DOCK2: variants seen among roughly 807,000 people sequenced by gnomAD.
The protein encoded by DOCK2 is dedicator of cytokinesis 2, also known as dedicator of cytokinesis protein 2.
In DOCK2, 87 loss-of-function variants were observed where a neutral mutation model predicts 248.9. The observed-to-expected ratio is 0.35, with a 90% CI of 0.29 to 0.42. DOCK2 has a LOEUF of 0.42. Among genes scored for constraint, DOCK2 ranks in the 10% least tolerant of loss-of-function variants. The pLI is 1.00. For missense variants in DOCK2, 1,747 were observed against 2,300.2 expected (o/e 0.76, Z 4.92); for synonymous variants, 805 against 821.6 (o/e 0.98, Z 0.35).
At chr5:169,739,880 G>T (rs756816093) in intron 22 of DOCK2, among the ~76,000 whole-genome samples, 1 of 152,164 alleles carries the variant, frequency 6.6e-6, no homozygotes, top group Non-Finnish European at 1.5e-5. Flanking sequence ...ATATTTCTCT[G>T]TATGTCTTGG....
intron 27 of DOCK2, among the ~76,000 whole-genome samples, chr5:169,969,706 G>A (rs530260982): frequency 0.012 from 1,860 of 152,230 alleles, 44 homozygotes; most frequent in African/African-American, 0.042. Context: ...GAACTAGGTG[G>A]GGTGACCAAC....
intron 27 of DOCK2, among the ~76,000 whole-genome samples, chr5:169,902,967 A>C (rs767030996): frequency 6.6e-6 from 1 of 152,040 alleles, no homozygotes; most frequent in Admixed American, 6.6e-5. Context: ...GTGTGGTGGC[A>C]CATGCCTGTA....
intron 29 of DOCK2, among the ~76,000 whole-genome samples, chr5:169,988,970 T>A (rs1054775835): frequency 5.3e-5 from 8 of 152,250 alleles, no homozygotes; most frequent in Non-Finnish European, 1.0e-4. Context: ...CAGGGCCAAC[T>A]TCACTTGTCA....
At chr5:170,009,199 G>A (rs1341783223) in intron 32 of DOCK2, among the ~76,000 whole-genome samples, 1 of 152,096 alleles carries the variant, frequency 6.6e-6, no homozygotes, top group Non-Finnish European at 1.5e-5. Context: ...GACCCCAGAA[G>A]CTGTCTCTGC....
At chr5:169,964,574 T>C (rs1358806724) in intron 27 of DOCK2, among the ~76,000 whole-genome samples, 1 of 152,210 alleles carries the variant, frequency 6.6e-6, no homozygotes, top group African/African-American at 2.4e-5. Context: ...TTGCCACTTT[T>C]CTCAGTGCCC....
intron 1 of DOCK2, among the ~76,000 whole-genome samples, chr5:169,649,370 G>A (rs542476563): frequency 3.5e-4 from 53 of 152,320 alleles, no homozygotes; most frequent in African/African-American, 1.2e-3. Context: ...GTCTTTTGAA[G>A]CAATCTTGAT....
intron 25 of DOCK2, among the ~76,000 whole-genome samples, chr5:169,802,614 A>T (rs1042803536): frequency 1.6e-4 from 24 of 152,216 alleles, no homozygotes; most frequent in African/African-American, 5.5e-4. Context: ...TAATATATAC[A>T]TCATGGTCCC....
intron 27 of DOCK2, among the ~76,000 whole-genome samples, chr5:169,885,887 G>T (rs1463428239): frequency 6.6e-6 from 1 of 152,112 alleles, no homozygotes; most frequent in Non-Finnish European, 1.5e-5. Context: ...AAATCCATGA[G>T]GTGCCATTAT....
chr5:169,646,115 G>A (rs556448690), intron 1 of DOCK2, among the ~76,000 whole-genome samples: 219 of 152,256 alleles, frequency 1.4e-3, no homozygotes, highest in Middle Eastern at 3.4e-3. Context: ...GTTAATTTTC[G>A]TGTAAGATAT....
chr5:169,696,733 A>C (rs1387239559), intron 10 of DOCK2, among the ~76,000 whole-genome samples: 1 of 151,828 alleles, frequency 6.6e-6, no homozygotes, highest in Non-Finnish European at 1.5e-5. Flanking sequence ...AGATGCTCTG[A>C]TCTGTAATCG....
chr5:169,734,213 A>G (rs1762921815), intron 22 of DOCK2, among the ~76,000 whole-genome samples: 1 of 151,896 alleles, frequency 6.6e-6, no homozygotes, highest in Non-Finnish European at 1.5e-5. Flanking sequence ...TATTTTCAAA[A>G]ACTCCATTTT....
intron 10 of DOCK2, among the ~76,000 whole-genome samples, chr5:169,697,989 A>G (rs1224386215): frequency 1.3e-5 from 2 of 152,240 alleles, no homozygotes; most frequent in Non-Finnish European, 2.9e-5. Flanking sequence ...CTCAGATCCT[A>G]CAGAGACCCA....
intron 7 of DOCK2, among the ~76,000 whole-genome samples, chr5:169,682,688 A>C (rs1187369141): frequency 6.6e-6 from 1 of 152,214 alleles, no homozygotes; most frequent in Non-Finnish European, 1.5e-5. Flanking sequence ...CATATAGTAC[A>C]TTTCACTCAT....
chr5:169,787,680 G>T, intron 25 of DOCK2, among the ~76,000 whole-genome samples: 1 of 148,588 alleles, frequency 6.7e-6, no homozygotes, highest in Admixed American at 6.7e-5. Flanking sequence ...TTGCCCAGTT[G>T]CTATGCTTTT....
chr5:169,930,254 T>C (rs1775682917), intron 27 of DOCK2, among the ~76,000 whole-genome samples: 1 of 152,144 alleles, frequency 6.6e-6, no homozygotes, highest in Admixed American at 6.5e-5. Flanking sequence ...CCTCCCAAAG[T>C]GCTGGGATTA....
chr5:169,986,060 T>C, intron 29 of DOCK2, 138 bp downstream of exon 29: 1 of 774,630 alleles, frequency 1.3e-6, no homozygotes, highest in South Asian at 3.1e-5. Context: ...TTTCTATCTT[T>C]AAACCCAGGG....
intron 14 of DOCK2, chr5:169,703,986 C>G (rs1023556551): frequency 1.3e-5 from 2 of 152,164 alleles, no homozygotes; most frequent in African/African-American, 4.8e-5. Context: ...CATCTTATCT[C>G]CTGTCTGAGC....
chr5:170,079,129 G>A lies in DOCK2; in HGVS notation c.5149G>A (p.Glu1717Lys). The change falls in exon 49 of 52, where the codon GAG (glutamate) becomes AAG (lysine). Residue 1717 changes from glutamate to lysine, a missense_variant. This residue lies in a region of DOCK2 where 513 missense variants were observed against 586.1 expected (regional missense o/e 0.88). Transcript: ENST00000520908. ...VVFADEKAAA[E>K]SDLKRLSRKH... ...TTTTGCGGATGAGAAAGCAGCTGCA[G>A]AGTCGGACCTGAAGCGGGTGAGTGG... 6.2e-7 allele frequency: 1 copy of A among 1,613,702 alleles called. No homozygotes were observed. Among genetic ancestry groups the A allele is most frequent in the Non-Finnish European group, 8.5e-7 (1 of 1,180,010 alleles).
intron 41 of DOCK2, among the ~76,000 whole-genome samples, chr5:170,050,975 G>A (rs1018027548): frequency 2.0e-5 from 3 of 152,304 alleles, no homozygotes; most frequent in African/African-American, 7.2e-5. Context: ...AAGTAAAAGA[G>A]GCGTTAAGTG....
Sources: gnomAD v4.1 joint callset for allele counts (sites outside exome capture counted in the v4.1 genomes callset) on GRCh38, gnomAD v4.1.1 for gene constraint, gnomAD v4.1.1 regional missense constraint, MANE v1.5 for transcripts, NCBI Gene and HGNC (gene_info 2026-07-23, HGNC 2026-07-21) for gene names.